PLCB1: variants seen among roughly 807,000 people sequenced by gnomAD.
PLCB1 encodes the protein 1-phosphatidylinositol 4,5-bisphosphate phosphodiesterase beta-1.
In PLCB1, 46 loss-of-function variants were observed where a neutral mutation model predicts 161.8. That is an observed-to-expected ratio of 0.28 (90% CI 0.22 to 0.36). The LOEUF (loss-of-function observed/expected upper bound fraction) is 0.36. Ranked by LOEUF, PLCB1 falls within the 10% of genes least tolerant of loss-of-function variation. The pLI, the probability that PLCB1 is intolerant of heterozygous loss-of-function variation, is 1.00. For synonymous variants in PLCB1, 517 were observed against 503.7 expected (o/e 1.03, Z -0.35); for missense variants, 1,016 against 1,472.5 (o/e 0.69, Z 5.07).
At chr20:8,685,688 G>A (rs1990344266) in intron 10 of PLCB1, among the ~76,000 whole-genome samples, 1 of 150,388 alleles carries the variant, frequency 6.6e-6, no homozygotes, top group Admixed American at 6.6e-5. Flanking sequence ...AGTGAGCCGA[G>A]ATCACACCAC....
chr20:8,811,852 G>C (rs1984837842), intron 31 of PLCB1, among the ~76,000 whole-genome samples: 3 of 152,112 alleles, frequency 2.0e-5, no homozygotes, highest in Non-Finnish European at 2.9e-5. Flanking sequence ...CCTATAGCAG[G>C]GAAAATATTT....
At chr20:8,860,958 AC>A (rs886480034) in intron 31 of PLCB1, among the ~76,000 whole-genome samples, 4 of 152,354 alleles carry the variant, frequency 2.6e-5, no homozygotes, top group Non-Finnish European at 5.9e-5. Context: ...GATTTGACAG[AC>A]AAATATTGCA....
intron 2 of PLCB1, among the ~76,000 whole-genome samples, chr20:8,207,681 A>G (rs1413372758): frequency 2.0e-5 from 3 of 152,088 alleles, no homozygotes; most frequent in African/African-American, 7.2e-5. Context: ...CTTGGGTTCA[A>G]GGAATTCTCC....
At chr20:8,823,027 TA>T (rs1448227813) in intron 31 of PLCB1, among the ~76,000 whole-genome samples, 1 of 152,214 alleles carries the variant, frequency 6.6e-6, no homozygotes, top group Non-Finnish European at 1.5e-5. Context: ...CATTATTCCC[TA>T]AATTTACATT....
chr20:8,455,432 C>CTCTTTTTTTT (rs1365729968), intron 3 of PLCB1, among the ~76,000 whole-genome samples: 4 of 74,166 alleles, frequency 5.4e-5, no homozygotes, highest in African/African-American at 2.6e-4. Flanking sequence ...TATTCTTCCT[C>CTCTTTTTTTT]TTTTTTTTTT....
chr20:8,555,227 C>T (rs2123004946), intron 3 of PLCB1, among the ~76,000 whole-genome samples: 1 of 152,090 alleles, frequency 6.6e-6, no homozygotes, highest in South Asian at 2.1e-4. Context: ...CACCACCAAC[C>T]CTCATATTCT....
chr20:8,688,576 C>A (rs921004426), intron 10 of PLCB1, among the ~76,000 whole-genome samples: 1 of 152,080 alleles, frequency 6.6e-6, no homozygotes, highest in Admixed American at 6.5e-5. Context: ...TAGCCAATTA[C>A]CCCAGCACAC....
chr20:8,362,326 T>C (rs532271627), intron 2 of PLCB1, among the ~76,000 whole-genome samples: 1 of 152,196 alleles, frequency 6.6e-6, no homozygotes, highest in Non-Finnish European at 1.5e-5. Flanking sequence ...GTTACTAGCA[T>C]GTTAAATCTG....
intron 18 of PLCB1, chr20:8,729,737 A>G (rs1249468353): frequency 6.6e-6 from 1 of 151,926 alleles, no homozygotes; most frequent in Non-Finnish European, 1.5e-5. Context: ...TATTCCCTAA[A>G]TTTCTTTTGG....
chr20:8,594,283 G>A (rs1987250489), intron 3 of PLCB1, among the ~76,000 whole-genome samples: 2 of 152,160 alleles, frequency 1.3e-5, no homozygotes, highest in Non-Finnish European at 2.9e-5. Flanking sequence ...ACTCTCTTGA[G>A]AAACTTGTTG....
At chr20:8,142,283 C>T (rs773062198) in intron 1 of PLCB1, among the ~76,000 whole-genome samples, 1 of 152,118 alleles carries the variant, frequency 6.6e-6, no homozygotes, top group African/African-American at 2.4e-5. Flanking sequence ...ACCTTCGTGA[C>T]CTTTGAGGTG....
chr20:8,485,286 G>T (rs1242271096), intron 3 of PLCB1, among the ~76,000 whole-genome samples: 2 of 152,130 alleles, frequency 1.3e-5, no homozygotes, highest in Non-Finnish European at 2.9e-5. Flanking sequence ...TCTCCATTGG[G>T]TTTTTTATAA....
intron 3 of PLCB1, among the ~76,000 whole-genome samples, chr20:8,624,117 G>A (rs960956187): frequency 6.6e-6 from 1 of 152,172 alleles, no homozygotes; most frequent in African/African-American, 2.4e-5. Context: ...TCACTATGAA[G>A]CTGAATCACA....
chr20:8,791,608 T>A (rs950521266), intron 31 of PLCB1, among the ~76,000 whole-genome samples: 13 of 152,184 alleles, frequency 8.5e-5, no homozygotes, highest in African/African-American at 1.4e-4. Context: ...TTCAAAAAAA[T>A]TTAGGTAATA....
At chr20:8,228,361 C>T (rs1979815916) in intron 2 of PLCB1, among the ~76,000 whole-genome samples, 1 of 152,044 alleles carries the variant, frequency 6.6e-6, no homozygotes, top group Admixed American at 6.6e-5. Context: ...TTTTAATTCC[C>T]CTCAAAGCTG....
intron 3 of PLCB1, among the ~76,000 whole-genome samples, chr20:8,522,141 G>T (rs1177245913): frequency 6.6e-6 from 1 of 152,148 alleles, no homozygotes; most frequent in East Asian, 1.9e-4. Context: ...CTCTAATCCT[G>T]TGGTATGAAA....
At chr20:8,702,298 T>C (rs1978411289) in intron 11 of PLCB1, among the ~76,000 whole-genome samples, 1 of 152,144 alleles carries the variant, frequency 6.6e-6, no homozygotes, top group African/African-American at 2.4e-5. Flanking sequence ...TCATTCTCTC[T>C]TCTCCCACCC....
chr20:8,429,309 C>T (rs998046034), intron 3 of PLCB1, among the ~76,000 whole-genome samples: 3 of 152,176 alleles, frequency 2.0e-5, no homozygotes, highest in Non-Finnish European at 4.4e-5. Flanking sequence ...TGAAATAACT[C>T]ATGTTGGAAA....
At chr20:8,567,311 C>T (rs6039197) in intron 3 of PLCB1, among the ~76,000 whole-genome samples, 29,872 of 151,922 alleles carry the variant, frequency 0.2, 3,361 homozygotes, top group African/African-American at 0.29. Flanking sequence ...GACTCTGATA[C>T]AGGTCTGTGG....
Sources: gnomAD v4.1 joint callset for allele counts (sites outside exome capture counted in the v4.1 genomes callset) on GRCh38, gnomAD v4.1.1 for gene constraint, MANE v1.5 for transcripts, NCBI Gene and HGNC (gene_info 2026-07-23, HGNC 2026-07-21) for gene names.